Variants in GABRA3 observed in about 807,000 individuals in gnomAD.
The protein encoded by GABRA3 is gamma-aminobutyric acid receptor subunit alpha-3.
Under a neutral mutation model 30.1 loss-of-function variants are expected in GABRA3, and 10 were observed. That is an observed-to-expected ratio of 0.33 (90% CI 0.20 to 0.56). The LOEUF is 0.56. GABRA3 is among the 20% of genes least tolerant of loss of function. The pLI is 0.89. For synonymous variants in GABRA3, 151 were observed against 146.8 expected (o/e 1.03, Z -0.21); for missense variants, 233 against 392.0 (o/e 0.59, Z 3.42).
At chrX:152,386,021 T>C (rs1219606526) in intron 1 of GABRA3, among the ~76,000 whole-genome samples, 3 of 109,647 alleles carry the variant, frequency 2.7e-5, no homozygotes, top group Non-Finnish European at 3.8e-5. Context: ...TGAAGTCAGG[T>C]AGTGTGATGC....
At chrX:152,422,200 G>A (rs1299216939) in intron 1 of GABRA3, among the ~76,000 whole-genome samples, 6 of 111,367 alleles carry the variant, frequency 5.4e-5, no homozygotes, top group Non-Finnish European at 9.4e-5. Flanking sequence ...TTATAGAAGA[G>A]ACTACTACAT....
chrX:152,176,229 C>T (rs1419983071), intron 9 of GABRA3, among the ~76,000 whole-genome samples: 2 of 110,802 alleles, frequency 1.8e-5, no homozygotes, highest in Non-Finnish European at 3.8e-5. Flanking sequence ...TGAGCACCAT[C>T]GTAAGAATAA....
At chrX:152,235,949 T>C (rs1386538445) in intron 5 of GABRA3, among the ~76,000 whole-genome samples, 1 of 87,752 alleles carries the variant, frequency 1.1e-5, no homozygotes, top group Non-Finnish European at 2.1e-5. Flanking sequence ...CATTGCACTA[T>C]TTGATTTCTT....
chrX:152,424,928 CTTTTTTTTTTTTT>C (rs747255822), intron 1 of GABRA3, among the ~76,000 whole-genome samples: 1 of 42,358 alleles, frequency 2.4e-5, no homozygotes, highest in African/African-American at 1.2e-4. Context: ...TTTTTCTTTT[CTTTTTTTTTTTTT>C]TTTTTTTTTT....
At chrX:152,425,939 A>G (rs1371139224) in intron 1 of GABRA3, among the ~76,000 whole-genome samples, 3 of 111,216 alleles carry the variant, frequency 2.7e-5, no homozygotes, top group Non-Finnish European at 5.7e-5. Context: ...ATCTTTTTAG[A>G]AATCCCATCT....
At chrX:152,330,049 T>C (rs774901725) in intron 3 of GABRA3, among the ~76,000 whole-genome samples, 1 of 111,690 alleles carries the variant, frequency 9.0e-6, no homozygotes, top group Admixed American at 9.5e-5. Context: ...GATATGAACA[T>C]ACACTTCTCA....
chrX:152,199,644 A>G (rs1937452484), intron 7 of GABRA3, among the ~76,000 whole-genome samples: 1 of 111,190 alleles, frequency 9.0e-6, no homozygotes, highest in South Asian at 3.8e-4. Flanking sequence ...TATATATTAG[A>G]CATCACTACT....
At chrX:152,206,058 G>C (rs1032239435) in intron 7 of GABRA3, among the ~76,000 whole-genome samples, 1 of 113,075 alleles carries the variant, frequency 8.8e-6, no homozygotes, top group Non-Finnish European at 1.9e-5. Context: ...AGTGGGGTCT[G>C]ATTGGGCAGC....
At chrX:152,206,701 C>A (rs1260296783) in intron 7 of GABRA3, among the ~76,000 whole-genome samples, 1 of 111,278 alleles carries the variant, frequency 9.0e-6, no homozygotes, top group Non-Finnish European at 1.9e-5. Context: ...GTGGCCCAGA[C>A]ACTCCCACCA....
intron 5 of GABRA3, among the ~76,000 whole-genome samples, chrX:152,230,150 G>A (rs1299323807): frequency 9.0e-6 from 1 of 111,568 alleles, no homozygotes; most frequent in African/African-American, 3.2e-5. Context: ...AAAATGTTCT[G>A]AAATTAGATC....
intron 3 of GABRA3, among the ~76,000 whole-genome samples, chrX:152,297,336 A>G (rs1421627848): frequency 8.9e-6 from 1 of 112,252 alleles, no homozygotes; most frequent in Non-Finnish European, 1.9e-5. Context: ...AAAAGCACTG[A>G]TTCTTGTGCC....
intron 4 of GABRA3, among the ~76,000 whole-genome samples, chrX:152,258,424 A>C (rs1431764669): frequency 8.9e-6 from 1 of 111,747 alleles, no homozygotes; most frequent in Admixed American, 9.5e-5. Flanking sequence ...ATATAGTACT[A>C]TGAAGGATAA....
chrX:152,428,776 T>C (rs1430569474), intron 1 of GABRA3, among the ~76,000 whole-genome samples: 1 of 111,768 alleles, frequency 8.9e-6, no homozygotes, highest in Non-Finnish European at 1.9e-5. Flanking sequence ...ATGCCACTTG[T>C]ACAATGAGAT....
chrX:152,276,712 A>C (rs1194083965), intron 4 of GABRA3, among the ~76,000 whole-genome samples: 1 of 112,137 alleles, frequency 8.9e-6, no homozygotes, highest in East Asian at 2.8e-4. Flanking sequence ...AGTAAAATAC[A>C]CAAAAAAGTA....
intron 1 of GABRA3, among the ~76,000 whole-genome samples, chrX:152,373,727 G>A (rs1028175060): frequency 1.5e-4 from 17 of 110,434 alleles, no homozygotes; most frequent in Admixed American, 3.9e-4. Context: ...TGCTGCACCC[G>A]TTAACTCGTT....
At chrX:152,426,065 A>G (rs1468949563) in intron 1 of GABRA3, among the ~76,000 whole-genome samples, 2 of 111,421 alleles carry the variant, frequency 1.8e-5, no homozygotes, top group Non-Finnish European at 3.8e-5. Context: ...CTACTAAACT[A>G]TAATTGTGGA....
chrX:152,392,425 T>C (rs1354245423), intron 1 of GABRA3: 1 of 291,326 alleles, frequency 3.4e-6, no homozygotes, highest in Non-Finnish European at 7.0e-6. Flanking sequence ...GTACAGAAAA[T>C]TCCATTTTTA....
chrX:152,185,656 C>T (rs1283484335), intron 9 of GABRA3, among the ~76,000 whole-genome samples: 3 of 111,541 alleles, frequency 2.7e-5, no homozygotes, highest in Non-Finnish European at 3.8e-5. Context: ...ACTCTAAACA[C>T]GGGCCAACCA....
At chrX:152,205,144 G>C (rs1021799366) in intron 7 of GABRA3, among the ~76,000 whole-genome samples, 1 of 111,411 alleles carries the variant, frequency 9.0e-6, no homozygotes. Flanking sequence ...TTCCAAATAA[G>C]GTCACATTTT....
Sources: allele counts gnomAD v4.1 joint callset (sites outside exome capture counted in the v4.1 genomes callset), GRCh38; gene constraint gnomAD v4.1.1; transcripts MANE v1.5; gene names NCBI Gene and HGNC (gene_info 2026-07-23, HGNC 2026-07-21).